Variants in OR2F1 observed in about 807,000 individuals in gnomAD.
OR2F1 encodes olfactory receptor 2F1.
For synonymous variants in OR2F1, 146 were observed against 155.3 expected, an observed-to-expected ratio of 0.94 and a Z score of 0.44; for missense variants, 389 against 378.2, an observed-to-expected ratio of 1.03 and a Z score of -0.24.
Position 143,960,451 on chromosome 7 carries a change from G to T in OR2F1, c.481G>T (p.Ala161Ser). Reference protein sequence around the residue: ...SGFISSPVQTAITFQLPMCRN... With the variant: ...SGFISSPVQTSITFQLPMCRN... ...CTTCATCAGCTCTCCTGTGCAGACT[G>T]CTATCACCTTTCAGCTGCCCATGTG... The change falls in exon 3 of 3, where the codon GCT becomes TCT. Residue 161 changes from alanine (A) to serine (S), a missense_variant. Coordinates refer to ENST00000641412, the MANE Select transcript of OR2F1 (RefSeq NM_012369.3). 1 of 1,614,172 alleles carries T rather than the reference G, an allele frequency of 6.2e-7. No homozygotes were observed. The highest frequency in any genetic ancestry group is 8.5e-7 in the Non-Finnish European group (1 of 1,180,028).
In OR2F1 at chr7:143,960,043, G is replaced by A. The variant is rs749833079; in HGVS notation, c.73G>A (p.Val25Ile). Residue 25 changes from valine to isoleucine, a missense_variant, in exon 3 of 3, where the codon GTC becomes ATC. Physicochemically the swap from Val to Ile is conservative, Grantham distance 29. Coordinates refer to ENST00000641412, the MANE Select transcript of OR2F1 (RefSeq NM_012369.3). ...CCTGTCCAGTGACTGGGACACTCGG[G>A]TCTCCCTGTTTGTCCTGTTCTTGGT... Reference protein sequence around the residue: ...LGLSSDWDTRVSLFVLFLVMY... With the variant: ...LGLSSDWDTRISLFVLFLVMY... 3 of 1,614,102 alleles carry A rather than the reference G, an allele frequency of 1.9e-6. No individual in the cohort carries two copies. Among genetic ancestry groups the A allele is most frequent in the Non-Finnish European group, 2.5e-6 (3 of 1,180,002 alleles).
Position 143,960,135 on chromosome 7 carries a change from C to T in OR2F1, c.165C>T (p.Leu55=), listed in dbSNP as rs1181699853. 3.7e-6 allele frequency: 6 copies of T among 1,614,028 alleles called. No individual in the cohort carries two copies. Among genetic ancestry groups the T allele is most frequent in the Non-Finnish European group, 5.1e-6 (6 of 1,180,042 alleles). Residue 55 remains leucine (L), a synonymous_variant, in exon 3 of 3, where the codon CTC becomes CTT. Coordinates refer to ENST00000641412, the MANE Select transcript of OR2F1 (RefSeq NM_012369.3). ...TTCTGATCAGACTGGACAGCCGACT[C>T]CACACTCCCATGTATTTCTTTCTCA... ...IVLLIRLDSR[L]HTPMYFFLTN...
rs929167175 is a variant in OR2F1 at position 143,954,856 on chromosome 7, A to T, written c.-427A>T. 1 of 152,240 alleles carries T rather than the reference A, an allele frequency of 6.6e-6. No individual in the cohort carries two copies. Among genetic ancestry groups the T allele is most frequent in the South Asian group, 2.1e-4 (1 of 4,832 alleles). 9.4% of individuals were successfully genotyped at this position (152,240 alleles called of 1,614,324 possible). ...ATTTAATTTTTATAATAAAGAAAAT[A>T]GATTCCATGGAATCAATGAATTGAT... On this transcript the variant is annotated 5_prime_UTR_variant, in exon 1 of 3. Coordinates refer to ENST00000641412, the MANE Select transcript of OR2F1 (RefSeq NM_012369.3).
rs1485416324 is a variant in OR2F1, at chr7:143,958,966, A to G, written c.-166A>G. ...TTTCTTTGGCAGCCATAGCAACAGCAGCAAGTTGAAAAGAGCAAAAAAAAA... is the reference window on the plus strand; with the variant it reads ...TTTCTTTGGCAGCCATAGCAACAGCGGCAAGTTGAAAAGAGCAAAAAAAAA... On this transcript the variant is annotated 5_prime_UTR_variant, in exon 2 of 3. Transcript: ENST00000641412. 1 of 151,620 alleles carries G rather than the reference A, an allele frequency of 6.6e-6. No homozygotes were observed. The highest frequency in any genetic ancestry group is 1.5e-5 in the Non-Finnish European group (1 of 67,950). 9.4% of individuals were successfully genotyped at this position (151,620 alleles called of 1,614,324 possible).
chr7:143,959,635 G>A (rs1045424414), intron 2 of OR2F1, among the ~76,000 whole-genome samples: 1 of 152,050 alleles, frequency 6.6e-6, no homozygotes, highest in Non-Finnish European at 1.5e-5. Context: ...TTTACCGCTG[G>A]TTGTCATTTG....
rs922217541 is a variant in OR2F1, at chr7:143,964,266, T to A, written c.*3342T>A. On this transcript the variant is annotated 3_prime_UTR_variant, in exon 3 of 3. Coordinates refer to ENST00000641412, the MANE Select transcript of OR2F1 (RefSeq NM_012369.3). ...TTATTTAGCCATTAAATAGAAAAAA[T>A]TTAAAAAGACACTGAAAAGTATTTG... 1.3e-5 allele frequency: 2 copies of A among 152,054 alleles called. No homozygotes were observed. The highest frequency in any genetic ancestry group is 2.9e-5 in the Non-Finnish European group (2 of 67,994). The allele number at this position is 152,054 out of a possible 1,614,324, so 9.4% of individuals were successfully genotyped here.
intron 1 of OR2F1, among the ~76,000 whole-genome samples, chr7:143,956,123 A>G (rs2050283654): frequency 6.6e-6 from 1 of 151,276 alleles, no homozygotes; most frequent in Non-Finnish European, 1.5e-5. Flanking sequence ...TAGGGAAAGT[A>G]TAGATTCCAC....
chr7:143,956,651 T>C (rs2050288272), intron 1 of OR2F1, among the ~76,000 whole-genome samples: 1 of 152,136 alleles, frequency 6.6e-6, no homozygotes, highest in Admixed American at 6.5e-5. Flanking sequence ...TAAACTTAAA[T>C]CTTTACACAC....
rs765723230 is a variant in OR2F1 at position 143,960,299 on chromosome 7, T to A, written c.329T>A (p.Ile110Asn). The change falls in exon 3 of 3, where the codon ATT becomes AAT. Residue 110 changes from isoleucine to asparagine, a missense_variant. Physicochemically the swap from Ile to Asn is moderately radical, Grantham distance 149. Coordinates refer to ENST00000641412, the MANE Select transcript of OR2F1 (RefSeq NM_012369.3). ...QLFFSLALGG[I>N]EFVLLAVMAY... ...TTTTTCTCCCTGGCCTTGGGTGGGA[T>A]TGAGTTTGTTCTCCTGGCGGTGATG... The A allele has an allele frequency of 1.2e-6, 2 of 1,614,128 alleles. No homozygotes were observed. The highest frequency in any genetic ancestry group is 2.7e-5 in the African/African-American group (2 of 75,044).
In OR2F1 at chr7:143,962,491, A is replaced by C. The variant is rs148704117; in HGVS notation, c.*1567A>C. ...TGAAACAATGATAATGCATTGTGGTAAGTGTTACAGTGAAGGGGAGCCCAC... is the reference window on the plus strand; with the variant it reads ...TGAAACAATGATAATGCATTGTGGTCAGTGTTACAGTGAAGGGGAGCCCAC... On this transcript the variant is annotated 3_prime_UTR_variant, in exon 3 of 3. Transcript: ENST00000641412. 2.8e-3 allele frequency: 420 copies of C among 152,326 alleles called. 3 individuals are homozygous for C. The highest frequency in any genetic ancestry group is 4.5e-3 in the Non-Finnish European group (309 of 68,022). The allele number at this position is 152,326 out of a possible 1,614,324, so 9.4% of individuals were successfully genotyped here. A position where few individuals can be genotyped will look rare whatever the true frequency, so the allele number is the denominator to read the frequency against.
intron 1 of OR2F1, among the ~76,000 whole-genome samples, chr7:143,957,312 A>T (rs904563712): frequency 2.6e-5 from 4 of 152,210 alleles, no homozygotes; most frequent in African/African-American, 9.6e-5. Context: ...TCCATGACAG[A>T]GTTGAGAGTT....
Position 143,960,313 on chromosome 7 carries a change from C to T in OR2F1, c.343C>T (p.Leu115=), listed in dbSNP as rs756013537. The T allele has an allele frequency of 5.0e-6, 8 of 1,614,170 alleles. No individual in the cohort carries two copies. The highest frequency in any genetic ancestry group is 5.1e-6 in the Non-Finnish European group (6 of 1,180,034). Residue 115 remains leucine, a synonymous_variant, in exon 3 of 3, where the codon CTG becomes TTG. Coordinates refer to ENST00000641412, the MANE Select transcript of OR2F1 (RefSeq NM_012369.3). ...LALGGIEFVL[L]AVMAYDRYVA... is the part of the protein sequence containing the mutation. ...CTTGGGTGGGATTGAGTTTGTTCTC[C>T]TGGCGGTGATGGCCTATGACCGCTA...
chr7:143,959,923 TG>T, intron 2 of OR2F1, 24 bp from the exon 3 acceptor site: 1 of 1,398,362 alleles, frequency 7.2e-7, no homozygotes, highest in Non-Finnish European at 9.8e-7. Context: ...CAACAGCTTC[TG>T]TTTTTTTCTG....
At chr7:143,957,262 T>C (rs2050292330) in intron 1 of OR2F1, among the ~76,000 whole-genome samples, 1 of 152,154 alleles carries the variant, frequency 6.6e-6, no homozygotes, top group Non-Finnish European at 1.5e-5. Context: ...TTAAGAATGG[T>C]GACAAGGCAA....
In OR2F1 at chr7:143,959,659, GC is replaced by G. The variant is rs34603658; in HGVS notation, c.-23-286del. 6.6e-3 allele frequency among the ~76,000 whole-genome samples: 1,001 copies of G among 152,168 alleles called. 34 individuals are homozygous for G. The East Asian group carries it at 0.11, about 17-fold the overall frequency. ...GGTTGTCATTTGCAATTTTCTCCTT[GC>G]CCTGGAATCTGAAGTAAGTTGGTGA... On this transcript the variant is annotated intron_variant, in intron 2 of 2. Coordinates refer to ENST00000641412, the MANE Select transcript of OR2F1 (RefSeq NM_012369.3).
chr7:143,958,531 G>A (rs1294108195), intron 1 of OR2F1, among the ~76,000 whole-genome samples: 2 of 152,136 alleles, frequency 1.3e-5, no homozygotes, highest in African/African-American at 4.8e-5. Flanking sequence ...ACATAAGAGA[G>A]TTGAAGTATT....
rs140718215 is a variant in OR2F1, at chr7:143,960,556, G to A, written c.586G>A (p.Glu196Lys). ...RLACVDTSSN[E>K]VTIMVSSIVL... ...GGCTTGTGTGGACACCTCCTCCAAT[G>A]AGGTCACCATCATGGTGTCTAGCAT... is the stretch of plus-strand genomic sequence containing the variant. The change falls in exon 3 of 3, where the codon GAG (glutamate) becomes AAG (lysine). Residue 196 changes from glutamate (E) to lysine (K), a missense_variant. Glu to Lys is a moderately conservative substitution (Grantham distance 56). Transcript: ENST00000641412. 66 of 1,614,172 alleles carry A rather than the reference G, an allele frequency of 4.1e-5. No homozygotes were observed. The highest frequency in any genetic ancestry group is 3.3e-4 in the Middle Eastern group (2 of 6,052).
intron 1 of OR2F1, 101 bp downstream of exon 1, chr7:143,955,204 G>A (rs1400823443): frequency 6.6e-6 from 1 of 152,076 alleles, no homozygotes; most frequent in Non-Finnish European, 1.5e-5. Context: ...TATGTGATGT[G>A]ATGCATATAT....
intron 1 of OR2F1, among the ~76,000 whole-genome samples, chr7:143,957,174 A>C (rs1484511937): frequency 6.6e-6 from 1 of 152,162 alleles, no homozygotes; most frequent in Non-Finnish European, 1.5e-5. Flanking sequence ...TCCAAGAAAA[A>C]CTGTAGAAGT....
Sources: gnomAD v4.1 joint callset for allele counts (sites outside exome capture counted in the v4.1 genomes callset) on GRCh38, gnomAD v4.1.1 for gene constraint, MANE v1.5 for transcripts, NCBI Gene and HGNC (gene_info 2026-07-23, HGNC 2026-07-21) for gene names.